Variants in CACNB4 observed in about 807,000 individuals in gnomAD.
CACNB4 encodes voltage-dependent L-type calcium channel subunit beta-4.
Under a neutral mutation model 71.2 loss-of-function variants are expected in CACNB4, and 32 were observed. The ratio of observed to expected loss-of-function variants is 0.45; its 90% CI spans 0.34 to 0.60. CACNB4 has a LOEUF of 0.60. Ranked by LOEUF, CACNB4 falls within the 20% of genes least tolerant of loss-of-function variation. CACNB4 has a pLI of 0.01. For missense variants in CACNB4, 464 were observed against 647.9 expected, an observed-to-expected ratio of 0.72 and a Z score of 3.08; for synonymous variants, 231 against 236.9, an observed-to-expected ratio of 0.97 and a Z score of 0.23.
At chr2:152,053,527 T>TA (rs1260326903) in intron 2 of CACNB4, among the ~76,000 whole-genome samples, 1 of 151,264 alleles carries the variant, frequency 6.6e-6, no homozygotes, top group Non-Finnish European at 1.5e-5. Context: ...TAGGAATTTT[T>TA]TTTTTTTTTT....
chr2:152,090,292 G>T (rs2105463172), intron 2 of CACNB4, among the ~76,000 whole-genome samples: 1 of 152,350 alleles, frequency 6.6e-6, no homozygotes, highest in South Asian at 2.1e-4. Context: ...CAATTAAGGG[G>T]AGAGGGCCAA....
chr2:151,983,678 C>CACACACACACAT (rs2151752790), intron 2 of CACNB4, among the ~76,000 whole-genome samples: 1 of 98,832 alleles, frequency 1.0e-5, no homozygotes, highest in Admixed American at 1.3e-4. Flanking sequence ...ACTTTGGTCA[C>CACACACACACAT]ACACACACAC....
At chr2:151,973,880 G>T (rs1277234080) in intron 2 of CACNB4, 1 of 1,452,686 alleles carries the variant, frequency 6.9e-7, no homozygotes, top group Non-Finnish European at 9.1e-7. Context: ...CCCACAGGGT[G>T]AGGTTATCCC....
At chr2:151,945,705 C>T (rs1486921373) in intron 2 of CACNB4, among the ~76,000 whole-genome samples, 1 of 151,574 alleles carries the variant, frequency 6.6e-6, no homozygotes, top group African/African-American at 2.4e-5. Context: ...GTACATAGCC[C>T]GTAGGGTTGT....
At chr2:151,996,864 G>A (rs973102484) in intron 2 of CACNB4, among the ~76,000 whole-genome samples, 10 of 152,154 alleles carry the variant, frequency 6.6e-5, no homozygotes, top group Admixed American at 5.2e-4. Flanking sequence ...ATCACAGACA[G>A]ACACAGGAAA....
At chr2:151,844,594 A>C (rs2099837061) in intron 12 of CACNB4, among the ~76,000 whole-genome samples, 1 of 152,190 alleles carries the variant, frequency 6.6e-6, no homozygotes, top group South Asian at 2.1e-4. Context: ...GCCCCTCCCC[A>C]ACTCATGTAA....
intron 2 of CACNB4, among the ~76,000 whole-genome samples, chr2:152,022,674 T>A (rs778547371): frequency 2.0e-5 from 3 of 152,228 alleles, no homozygotes; most frequent in Non-Finnish European, 4.4e-5. Context: ...GCAATATGCA[T>A]GTTTACCTCC....
chr2:152,096,411 G>T (rs1440453977), intron 2 of CACNB4, among the ~76,000 whole-genome samples: 1 of 152,166 alleles, frequency 6.6e-6, no homozygotes, highest in East Asian at 1.9e-4. Flanking sequence ...GTGAACCCAG[G>T]AGGCAGAGCT....
At chr2:151,865,686 C>T (rs557247581) in intron 9 of CACNB4, 3 of 152,190 alleles carry the variant, frequency 2.0e-5, no homozygotes, top group South Asian at 2.1e-4. Flanking sequence ...ACTGTGTCGT[C>T]GTCAGCACAG....
intron 2 of CACNB4, among the ~76,000 whole-genome samples, chr2:151,940,532 T>C (rs1260737845): frequency 2.0e-5 from 3 of 152,212 alleles, no homozygotes; most frequent in African/African-American, 7.2e-5. Context: ...AGTAGTTTCA[T>C]CAGGACATCC....
At chr2:151,980,943 T>G (rs2099874616) in intron 2 of CACNB4, among the ~76,000 whole-genome samples, 1 of 152,184 alleles carries the variant, frequency 6.6e-6, no homozygotes, top group African/African-American at 2.4e-5. Context: ...ACCCATGATC[T>G]TTCACACTTC....
At chr2:151,893,362 C>A (rs1386305105) in intron 2 of CACNB4, among the ~76,000 whole-genome samples, 1 of 152,120 alleles carries the variant, frequency 6.6e-6, no homozygotes, top group Non-Finnish European at 1.5e-5. Context: ...GTGCCTCAGC[C>A]TCCTTAATAG....
At chr2:152,024,096 G>A (rs578095491) in intron 2 of CACNB4, among the ~76,000 whole-genome samples, 1 of 152,186 alleles carries the variant, frequency 6.6e-6, no homozygotes, top group Non-Finnish European at 1.5e-5. Context: ...GAAGGAGGAG[G>A]ATTGCTTGAG....
intron 2 of CACNB4, among the ~76,000 whole-genome samples, chr2:152,085,268 G>A (rs749430620): frequency 9.9e-5 from 15 of 152,096 alleles, no homozygotes; most frequent in African/African-American, 2.2e-4. Flanking sequence ...AAACAGATCC[G>A]GGGAGATGGG....
In CACNB4 at chr2:152,049,234, G is replaced by A. The variant is rs148879004; in HGVS notation, c.147+49096C>T. On this transcript the variant is annotated intron_variant, in intron 2 of 13. Transcript: ENST00000539935. ...GGCTGGAGTACAGTGGCACAATCTC[G>A]GCTCACTGCAACCTCCACCTCCCAG... 1.8e-3 allele frequency among the ~76,000 whole-genome samples: 269 copies of A among 151,062 alleles called. 1 individual carries two copies. Among genetic ancestry groups the A allele is most frequent in the African/African-American group, 6.2e-3 (253 of 41,064 alleles).
At chr2:151,983,675 T>TCTCTCACACACA (rs35313966) in intron 2 of CACNB4, among the ~76,000 whole-genome samples, 3 of 141,430 alleles carry the variant, frequency 2.1e-5, no homozygotes, top group Admixed American at 1.4e-4. Context: ...TAAACTTTGG[T>TCTCTCACACACA]CACACACACA....
intron 2 of CACNB4, among the ~76,000 whole-genome samples, chr2:151,946,912 T>C (rs1235293031): frequency 6.6e-6 from 1 of 152,218 alleles, no homozygotes; most frequent in Non-Finnish European, 1.5e-5. Flanking sequence ...TGAAGGACGG[T>C]GATTCTGAGT....
intron 7 of CACNB4, 62 bp downstream of exon 7, chr2:151,870,780 G>T: frequency 7.4e-7 from 1 of 1,356,046 alleles, no homozygotes; most frequent in Non-Finnish European, 1.0e-6. Context: ...CTGAAATGGA[G>T]CATTGCAGGC....
intron 2 of CACNB4, among the ~76,000 whole-genome samples, chr2:151,933,417 T>C (rs1388222662): frequency 7.2e-5 from 11 of 152,068 alleles, no homozygotes; most frequent in Admixed American, 7.2e-4. Flanking sequence ...TACTAAATAA[T>C]CAACATTGAG....
Sources: gnomAD v4.1 joint callset for allele counts (sites outside exome capture counted in the v4.1 genomes callset) on GRCh38, gnomAD v4.1.1 for gene constraint, MANE v1.5 for transcripts, NCBI Gene and HGNC (gene_info 2026-07-23, HGNC 2026-07-21) for gene names.